The following FGF5 variants were observed in gnomAD, a reference collection of about 807,000 sequenced individuals.
FGF5 encodes heparin-binding growth factor 5.
A neutral mutation model predicts 21.8 loss-of-function variants in FGF5; 23 were observed. That is an observed-to-expected ratio of 1.05 (90% CI 0.76 to 1.49). The LOEUF (loss-of-function observed/expected upper bound fraction) is 1.49, where lower values mean the gene tolerates loss of function less well. FGF5 is among the 40% of genes most tolerant of loss of function. The pLI is 0.00. For missense variants in FGF5, 352 were observed against 332.9 expected (o/e 1.06, Z -0.45); for synonymous variants, 158 against 124.0 (o/e 1.27, Z -1.82).
rs1480810236 is a variant in FGF5, at chr4:80,274,940, G to T, written c.387G>T (p.Gly129=). 2.5e-6 allele frequency: 4 copies of T among 1,593,678 alleles called. No individual in the cohort carries two copies. In the South Asian group the frequency reaches 4.5e-5, roughly 18 times the overall value. The change falls in exon 2 of 3, where the codon GGG becomes GGT. Residue 129 remains glycine, a synonymous_variant. Coordinates refer to ENST00000312465, the MANE Select transcript of FGF5 (RefSeq NM_004464.4). ...TGGAAATATTTGCTGTGTCTCAGGG[G>T]ATTGTAGGAATACGAGGAGTTTTCA... ...SVLEIFAVSQ[G]IVGIRGVFSN... is the part of the protein sequence containing the mutation.
intron 2 of FGF5, among the ~76,000 whole-genome samples, chr4:80,276,224 T>C (rs1276417348): frequency 1.3e-5 from 2 of 151,964 alleles, no homozygotes; most frequent in Non-Finnish European, 2.9e-5. Flanking sequence ...TATTGCCTAT[T>C]ATTATAGGGT....
intron 1 of FGF5, among the ~76,000 whole-genome samples, chr4:80,272,542 ATATT>A (rs989869774): frequency 3.3e-5 from 5 of 152,196 alleles, no homozygotes; most frequent in Non-Finnish European, 5.9e-5. Flanking sequence ...ATTAAAACAA[ATATT>A]TATAAAGCCT....
At position 80,289,257 on chromosome 4, in the gene FGF5, C is replaced by T. The variant is rs1414320719; in HGVS notation, c.*2585C>T. On this transcript the variant is annotated 3_prime_UTR_variant, in exon 3 of 3. Transcript: ENST00000312465. The stretch of plus-strand genomic sequence containing the variant: ...TCCTGACCTCATGATCTGCCCACCT[C>T]GGCCTCCCCAAAGTGCTGGGATTAC... 2.0e-5 allele frequency: 3 copies of T among 152,034 alleles called. No homozygotes were observed. Among genetic ancestry groups the T allele is most frequent in the East Asian group, 1.9e-4 (1 of 5,184 alleles). The allele number at this position is 152,034 out of a possible 1,614,324, so 9.4% of individuals were successfully genotyped here.
chr4:80,286,197 A>G (rs1246994007), intron 2 of FGF5, 128 bp from the exon 3 acceptor site: 3 of 610,840 alleles, frequency 4.9e-6, no homozygotes, highest in Admixed American at 2.9e-5. Flanking sequence ...TGTCTTTATA[A>G]AAAGGAATTG....
At chr4:80,280,588 A>G (rs1372101310) in intron 2 of FGF5, among the ~76,000 whole-genome samples, 1 of 152,206 alleles carries the variant, frequency 6.6e-6, no homozygotes, top group Admixed American at 6.5e-5. Context: ...GCACTTAATA[A>G]ATGCAGGGTG....
rs543753515 is a variant in FGF5 at position 80,274,617 on chromosome 4, C to A, written c.356-292C>A. Among the ~76,000 whole-genome samples the A allele has an allele frequency of 3.3e-5, 5 of 152,046 alleles. No individual in the cohort carries two copies. The East Asian group carries it at 9.7e-4, about 29-fold the overall frequency. ...AAATGTCTTTTTAATTTCTTTAAAACCTGAGAAAACTTCATGCTCATTGTT... is the reference window on the plus strand; with the variant it reads ...AAATGTCTTTTTAATTTCTTTAAAAACTGAGAAAACTTCATGCTCATTGTT... On this transcript the variant is annotated intron_variant, in intron 1 of 2. Transcript: ENST00000312465.
Position 80,267,074 on chromosome 4 carries a change from TC to T in FGF5, c.251del (p.Ser84TrpfsTer35), listed in dbSNP as rs1488253412. 2 of 1,614,054 alleles carry T rather than the reference TC, an allele frequency of 1.2e-6. No individual in the cohort carries two copies. The highest frequency in any genetic ancestry group is 3.3e-5 in the Admixed American group (2 of 60,010). On this transcript the variant is annotated frameshift_variant, in exon 1 of 3. Coordinates refer to ENST00000312465, the MANE Select transcript of FGF5 (RefSeq NM_004464.4). LOFTEE classifies it high-confidence loss of function. ...GCAGAGCAGTTTCCAGTGGAGCCCC[TC>T]GGGGCGCCGGACCGGCAGCCTCTAC... is the stretch of plus-strand genomic sequence containing the variant. ...LEQSSFQWSP[S>X]GRRTGSLYCR...
At chr4:80,270,588 G>T (rs2109917694) in intron 1 of FGF5, among the ~76,000 whole-genome samples, 1 of 152,234 alleles carries the variant, frequency 6.6e-6, no homozygotes, top group South Asian at 2.1e-4. Flanking sequence ...GAAAAATGAA[G>T]AAATATGAAC....
intron 1 of FGF5, among the ~76,000 whole-genome samples, chr4:80,267,819 GGAA>G (rs991113452): frequency 2.0e-5 from 3 of 151,432 alleles, no homozygotes; most frequent in African/African-American, 7.4e-5. Context: ...ATTCCTGCTT[GGAA>G]GAAGATTGTG....
chr4:80,284,245 C>G (rs1720645579), intron 2 of FGF5, among the ~76,000 whole-genome samples: 1 of 152,110 alleles, frequency 6.6e-6, no homozygotes, highest in African/African-American at 2.4e-5. Flanking sequence ...ACAAGCCTGG[C>G]CAATATGGTG....
chr4:80,267,360 G>A (rs1360169660), intron 1 of FGF5, among the ~76,000 whole-genome samples, 181 bp downstream of exon 1: 2 of 152,184 alleles, frequency 1.3e-5, no homozygotes, highest in African/African-American at 4.8e-5. Flanking sequence ...GTGCGCACAC[G>A]CACCCCTCTC....
intron 1 of FGF5, 98 bp from the exon 2 acceptor site, chr4:80,274,811 C>G: frequency 1.6e-6 from 1 of 629,840 alleles, no homozygotes; most frequent in Non-Finnish European, 2.8e-6. Context: ...TTTAAAATCA[C>G]AATAATAAAG....
In FGF5 at chr4:80,287,299, A is replaced by G. The variant is rs369357501; in HGVS notation, c.*627A>G. 1.6e-4 allele frequency: 25 copies of G among 152,248 alleles called. No homozygotes were observed. In the East Asian group the frequency reaches 4.1e-3, roughly 25 times the overall value. 9.4% of individuals were successfully genotyped at this position (152,248 alleles called of 1,614,324 possible). On this transcript the variant is annotated 3_prime_UTR_variant, in exon 3 of 3. Coordinates refer to ENST00000312465, the MANE Select transcript of FGF5 (RefSeq NM_004464.4). ...TAGCCATACCTCAGATAATATGTTT[A>G]GTTTTACATTTTAAAATGTTTAAAT...
chr4:80,272,661 A>G (rs1344218441), intron 1 of FGF5, among the ~76,000 whole-genome samples: 3 of 152,132 alleles, frequency 2.0e-5, no homozygotes, highest in Non-Finnish European at 4.4e-5. Flanking sequence ...ATATATCTGC[A>G]TGTTCAAAAC....
intron 1 of FGF5, 106 bp from the exon 2 acceptor site, chr4:80,274,803 T>C: frequency 1.6e-6 from 1 of 616,220 alleles, no homozygotes; most frequent in East Asian, 3.2e-5. Flanking sequence ...AGTTCTTTTT[T>C]AAAATCACAA....
Position 80,286,686 on chromosome 4 carries a change from C to A in FGF5, c.*14C>A, listed in dbSNP as rs768971081. On this transcript the variant is annotated 3_prime_UTR_variant, in exon 3 of 3. Transcript: ENST00000312465. ...CGCTTTGGATAATATTCCTCTTGGC[C>A]TTGTGAGAAACCATTCTTTCCCCTC... 10 of 1,599,300 alleles carry A rather than the reference C, an allele frequency of 6.3e-6. No homozygotes were observed. The highest frequency in any genetic ancestry group is 8.6e-6 in the Non-Finnish European group (10 of 1,168,666).
At position 80,289,625 on chromosome 4, in the gene FGF5, G is replaced by T. The variant is rs1720841376; in HGVS notation, c.*2953G>T. 1.3e-5 allele frequency: 2 copies of T among 152,012 alleles called. No individual in the cohort carries two copies. The highest frequency in any genetic ancestry group is 1.3e-4 in the Admixed American group (2 of 15,258). 9.4% of individuals were successfully genotyped at this position (152,012 alleles called of 1,614,324 possible). A position where few individuals can be genotyped will look rare whatever the true frequency, so the allele number is the denominator to read the frequency against. Reference sequence around the variant, plus strand: ...GTTTAATTATTTAAGATTTCTTTATGTGGAACATCTATAGAGATAAATAGA... The same window carrying T: ...GTTTAATTATTTAAGATTTCTTTATTTGGAACATCTATAGAGATAAATAGA... On this transcript the variant is annotated 3_prime_UTR_variant, in exon 3 of 3. Coordinates refer to ENST00000312465, the MANE Select transcript of FGF5 (RefSeq NM_004464.4).
chr4:80,285,484 T>C (rs1327406025), intron 2 of FGF5, among the ~76,000 whole-genome samples: 1 of 152,208 alleles, frequency 6.6e-6, no homozygotes, highest in Non-Finnish European at 1.5e-5. Flanking sequence ...AGGAAGACTT[T>C]TCTGCCCTCT....
chr4:80,274,276 A>G (rs551257586), intron 1 of FGF5, among the ~76,000 whole-genome samples: 1 of 152,272 alleles, frequency 6.6e-6, no homozygotes, highest in African/African-American at 2.4e-5. Flanking sequence ...AAAATGCAAG[A>G]TGTCTCAAAG....
Sources: gnomAD v4.1 joint callset for allele counts (sites outside exome capture counted in the v4.1 genomes callset) on GRCh38, gnomAD v4.1.1 for gene constraint, MANE v1.5 for transcripts, NCBI Gene and HGNC (gene_info 2026-07-23, HGNC 2026-07-21) for gene names.